Variants in ADAMTS3 observed in about 807,000 individuals in gnomAD.
ADAMTS3 encodes ADAM metallopeptidase with thrombospondin type 1 motif 3, also known as A disintegrin and metalloproteinase with thrombospondin motifs 3.
ADAMTS3 carries 73 observed loss-of-function variants against 129.0 expected under a neutral mutation model. That is an observed-to-expected ratio of 0.57 (90% CI 0.47 to 0.69). The LOEUF (loss-of-function observed/expected upper bound fraction) is 0.69. Among genes scored for constraint, ADAMTS3 ranks in the 30% least tolerant of loss-of-function variants. ADAMTS3 has a pLI of 0.00. For missense variants in ADAMTS3, 1,457 were observed against 1,514.5 expected, an observed-to-expected ratio of 0.96 and a Z score of 0.63; for synonymous variants, 477 against 510.8, an observed-to-expected ratio of 0.93 and a Z score of 0.89.
At chr4:72,317,289 TTC>T (rs1719423380) in intron 10 of ADAMTS3, among the ~76,000 whole-genome samples, 1 of 152,160 alleles carries the variant, frequency 6.6e-6, no homozygotes, top group Non-Finnish European at 1.5e-5. Flanking sequence ...AGCTTTAGAA[TTC>T]TCTGATTTAA....
At chr4:72,527,669 C>T (rs530611959) in intron 3 of ADAMTS3, among the ~76,000 whole-genome samples, 5 of 152,144 alleles carry the variant, frequency 3.3e-5, no homozygotes, top group East Asian at 1.9e-4. Flanking sequence ...CAATACTTGT[C>T]GAAAAGAAGT....
intron 4 of ADAMTS3, among the ~76,000 whole-genome samples, chr4:72,408,701 GA>G (rs34586561): frequency 5.0e-4 from 73 of 146,002 alleles, no homozygotes; most frequent in Middle Eastern, 3.6e-3. Flanking sequence ...ATTGTACCTG[GA>G]AAAAAAAAAA....
At chr4:72,480,258 T>C (rs376323535) in intron 3 of ADAMTS3, among the ~76,000 whole-genome samples, 8 of 152,050 alleles carry the variant, frequency 5.3e-5, no homozygotes, top group Non-Finnish European at 7.4e-5. Flanking sequence ...ATGTTTATTG[T>C]GGCACTATTC....
At chr4:72,382,010 C>G (rs1306957606) in intron 4 of ADAMTS3, among the ~76,000 whole-genome samples, 1 of 152,106 alleles carries the variant, frequency 6.6e-6, no homozygotes, top group East Asian at 1.9e-4. Flanking sequence ...TCCTTCTGCA[C>G]ATGTCAGTAC....
chr4:72,540,405 A>G (rs967957275), intron 3 of ADAMTS3, among the ~76,000 whole-genome samples: 1 of 152,262 alleles, frequency 6.6e-6, no homozygotes, highest in Non-Finnish European at 1.5e-5. Flanking sequence ...TAAGGTAAGC[A>G]GAGCATAGAA....
intron 4 of ADAMTS3, among the ~76,000 whole-genome samples, chr4:72,370,749 C>CTAAA (rs776698614): frequency 7.3e-4 from 110 of 151,648 alleles, no homozygotes; most frequent in African/African-American, 1.1e-3. Flanking sequence ...GACTCTGTCT[C>CTAAA]TAAATAAATA....
intron 3 of ADAMTS3, among the ~76,000 whole-genome samples, chr4:72,467,967 G>A (rs887230734): frequency 6.6e-6 from 1 of 151,562 alleles, no homozygotes; most frequent in African/African-American, 2.4e-5. Flanking sequence ...TATCATATAT[G>A]CCTGTATGTA....
At chr4:72,361,704 T>C (rs1334151486) in intron 4 of ADAMTS3, among the ~76,000 whole-genome samples, 2 of 152,094 alleles carry the variant, frequency 1.3e-5, no homozygotes, top group East Asian at 1.9e-4. Context: ...CCATGATCAC[T>C]GCAAAACACA....
chr4:72,390,355 T>C (rs960509498), intron 4 of ADAMTS3, among the ~76,000 whole-genome samples: 3 of 152,172 alleles, frequency 2.0e-5, no homozygotes, highest in Admixed American at 6.5e-5. Flanking sequence ...GATGCTATTC[T>C]AAATACTTTA....
At chr4:72,513,222 T>C (rs1351915569) in intron 3 of ADAMTS3, among the ~76,000 whole-genome samples, 1 of 152,170 alleles carries the variant, frequency 6.6e-6, no homozygotes, top group Non-Finnish European at 1.5e-5. Flanking sequence ...ACTTTACCTA[T>C]TCTATTTCCC....
intron 4 of ADAMTS3, among the ~76,000 whole-genome samples, chr4:72,362,520 T>G (rs777498250): frequency 2.6e-5 from 4 of 152,300 alleles, no homozygotes; most frequent in Non-Finnish European, 5.9e-5. Flanking sequence ...TAGGGACATT[T>G]CCATTTTCTT....
intron 3 of ADAMTS3, among the ~76,000 whole-genome samples, chr4:72,525,134 G>T (rs1720775104): frequency 2.6e-5 from 4 of 152,174 alleles, no homozygotes; most frequent in African/African-American, 9.7e-5. Flanking sequence ...CCATTCACCT[G>T]TTAGGTGCAC....
chr4:72,560,267 T>C (rs2109804618), intron 2 of ADAMTS3, among the ~76,000 whole-genome samples: 1 of 147,008 alleles, frequency 6.8e-6, no homozygotes. Context: ...ATCTAGGCAA[T>C]ATCATTCAGG....
At chr4:72,329,575 A>C (rs899617774) in intron 5 of ADAMTS3, among the ~76,000 whole-genome samples, 1 of 152,112 alleles carries the variant, frequency 6.6e-6, no homozygotes, top group African/African-American at 2.4e-5. Flanking sequence ...TCTTTTCGCA[A>C]ATACCTTGCT....
chr4:72,551,640 C>A (rs1578789838), intron 2 of ADAMTS3, among the ~76,000 whole-genome samples: 1 of 152,158 alleles, frequency 6.6e-6, no homozygotes, highest in African/African-American at 2.4e-5. Flanking sequence ...AAGCTCCAAG[C>A]TCTATGATTT....
Position 72,530,365 on chromosome 4 carries a change from A to T in ADAMTS3, c.504+18113T>A, listed in dbSNP as rs1560553890. Among the ~76,000 whole-genome samples, 3 of 84,924 alleles carry T rather than the reference A, an allele frequency of 3.5e-5. No homozygotes were observed. The East Asian group carries it at 1.0e-3, about 30-fold the overall frequency. 55.7% of individuals were successfully genotyped at this position (84,924 alleles called of 152,430 possible). On this transcript the variant is annotated intron_variant, in intron 3 of 21. Transcript: ENST00000286657. ...ATAATATATATTAAATTAATATATA[A>T]ATATAATATATAATATATATTAAAT... is the stretch of plus-strand genomic sequence containing the variant.
In ADAMTS3 at chr4:72,285,029, T is replaced by C. The variant is rs570207161; in HGVS notation, c.3050-1325A>G. Among the ~76,000 whole-genome samples the C allele has an allele frequency of 2.6e-5, 4 of 152,314 alleles. No individual in the cohort carries two copies. In the South Asian group the frequency reaches 6.2e-4, roughly 24 times the overall value. ...ACTGTCAATTGTGGCATTTATGTAA[T>C]AGAATCACTTAAAGTTACAGCCTAT... On this transcript the variant is annotated intron_variant, in intron 21 of 21. Transcript: ENST00000286657.
intron 3 of ADAMTS3, among the ~76,000 whole-genome samples, chr4:72,496,527 G>A (rs1412334527): frequency 6.6e-6 from 1 of 151,922 alleles, no homozygotes; most frequent in Non-Finnish European, 1.5e-5. Flanking sequence ...CCGCTATATG[G>A]CATAGGTATA....
intron 3 of ADAMTS3, among the ~76,000 whole-genome samples, chr4:72,496,063 T>C (rs146424143): frequency 1.2e-3 from 180 of 152,312 alleles, no homozygotes; most frequent in African/African-American, 4.2e-3. Context: ...TCTTTTGAAA[T>C]GAGTTGTAAA....
Sources: gnomAD v4.1 joint callset for allele counts (sites outside exome capture counted in the v4.1 genomes callset) on GRCh38, gnomAD v4.1.1 for gene constraint, MANE v1.5 for transcripts, NCBI Gene and HGNC (gene_info 2026-07-23, HGNC 2026-07-21) for gene names.